The following CDK14 variants were observed in gnomAD, a reference collection of about 807,000 sequenced individuals.
CDK14 encodes the protein cyclin-dependent kinase 14.
In CDK14, 34 loss-of-function variants were observed where a neutral mutation model predicts 60.7. The observed-to-expected ratio is 0.56, with a 90% CI of 0.43 to 0.75. The LOEUF (loss-of-function observed/expected upper bound fraction) is 0.75, where lower values mean the gene tolerates loss of function less well. CDK14 is among the 30% of genes least tolerant of loss of function. The probability of loss-of-function intolerance (pLI) is 0.00; values close to 1 mark genes in which losing one functional copy is unlikely to be tolerated. For missense variants in CDK14, 482 were observed against 564.1 expected, an observed-to-expected ratio of 0.85 and a Z score of 1.47; for synonymous variants, 197 against 203.7, an observed-to-expected ratio of 0.97 and a Z score of 0.28.
At chr7:90,649,941 T>C (rs943329265) in intron 2 of CDK14, among the ~76,000 whole-genome samples, 7 of 152,142 alleles carry the variant, frequency 4.6e-5, no homozygotes, top group Admixed American at 2.6e-4. Context: ...GTCTTTATAG[T>C]AGCATGATTT....
chr7:90,844,683 G>T (rs1989789), intron 5 of CDK14, among the ~76,000 whole-genome samples: 1 of 151,942 alleles, frequency 6.6e-6, no homozygotes, highest in Non-Finnish European at 1.5e-5. Context: ...CCTCTCTGCA[G>T]TCAACAAATG....
chr7:90,932,015 C>CT (rs1428907824), intron 8 of CDK14, among the ~76,000 whole-genome samples: 4 of 152,076 alleles, frequency 2.6e-5, no homozygotes, highest in Admixed American at 2.0e-4. Flanking sequence ...AGCAACAAAA[C>CT]TTTTCACAAA....
chr7:90,744,496 A>C (rs924815792), intron 3 of CDK14, among the ~76,000 whole-genome samples: 1 of 152,196 alleles, frequency 6.6e-6, no homozygotes, highest in Admixed American at 6.5e-5. Flanking sequence ...CGCCATTGTC[A>C]TCATGGCCCG....
chr7:91,018,369 T>C (rs1402545770), intron 10 of CDK14, among the ~76,000 whole-genome samples: 1 of 152,178 alleles, frequency 6.6e-6, no homozygotes, highest in East Asian at 1.9e-4. Context: ...TTATAAACAA[T>C]GGAAACTTAC....
At chr7:91,058,255 T>C (rs1208403405) in intron 11 of CDK14, among the ~76,000 whole-genome samples, 1 of 151,734 alleles carries the variant, frequency 6.6e-6, no homozygotes, top group Non-Finnish European at 1.5e-5. Context: ...CACATTGATT[T>C]TGTATCCTGA....
chr7:91,107,134 C>T (rs1257195336), intron 12 of CDK14, among the ~76,000 whole-genome samples: 1 of 152,180 alleles, frequency 6.6e-6, no homozygotes, highest in African/African-American at 2.4e-5. Flanking sequence ...GTTCATTTCA[C>T]GTCCTGTTAC....
chr7:90,964,507 C>G (rs958969411), intron 9 of CDK14, among the ~76,000 whole-genome samples: 1 of 152,176 alleles, frequency 6.6e-6, no homozygotes, highest in Non-Finnish European at 1.5e-5. Flanking sequence ...TAACCTATAA[C>G]TAACATACCA....
chr7:90,721,712 G>A (rs1802462307), intron 2 of CDK14, among the ~76,000 whole-genome samples: 1 of 152,174 alleles, frequency 6.6e-6, no homozygotes, highest in Non-Finnish European at 1.5e-5. Flanking sequence ...AGTTAGTAGT[G>A]GATAAAAGGG....
At chr7:91,144,175 G>GC (rs1800551688) in intron 14 of CDK14, among the ~76,000 whole-genome samples, 1 of 151,996 alleles carries the variant, frequency 6.6e-6, no homozygotes, top group African/African-American at 2.4e-5. Context: ...CACCCTAAAG[G>GC]CCCCATTTAA....
intron 2 of CDK14, among the ~76,000 whole-genome samples, chr7:90,658,350 G>C (rs1800794338): frequency 6.6e-6 from 1 of 152,186 alleles, no homozygotes; most frequent in African/African-American, 2.4e-5. Flanking sequence ...GCACACTTAT[G>C]AAGTCTTACT....
At chr7:90,968,146 G>A (rs1367479406) in intron 9 of CDK14, among the ~76,000 whole-genome samples, 5 of 152,030 alleles carry the variant, frequency 3.3e-5, no homozygotes, top group Non-Finnish European at 7.4e-5. Context: ...AAATATTTTG[G>A]TGGCTTTCTT....
intron 3 of CDK14, among the ~76,000 whole-genome samples, chr7:90,746,664 G>A (rs1458150057): frequency 6.6e-6 from 1 of 152,144 alleles, no homozygotes; most frequent in African/African-American, 2.4e-5. Context: ...GAAGGTGAAT[G>A]CTTCTCCACC....
chr7:91,010,805 CTT>C (rs1796132273), intron 10 of CDK14, among the ~76,000 whole-genome samples: 1 of 69,568 alleles, frequency 1.4e-5, no homozygotes, highest in Non-Finnish European at 2.6e-5. Context: ...TCCTTCTTTC[CTT>C]CCTTCCTTCC....
intron 14 of CDK14, among the ~76,000 whole-genome samples, chr7:91,122,999 A>G (rs1799829452): frequency 6.6e-6 from 1 of 152,148 alleles, no homozygotes; most frequent in African/African-American, 2.4e-5. Context: ...AAACTTGGAG[A>G]AGGTTTTGGA....
chr7:90,928,657 C>G (rs1793496866), intron 8 of CDK14, among the ~76,000 whole-genome samples: 1 of 152,174 alleles, frequency 6.6e-6, no homozygotes, highest in Non-Finnish European at 1.5e-5. Context: ...CCCAGTTAGG[C>G]TACTCGGGGG....
chr7:90,604,121 A>G, intron 1 of CDK14, 97 bp from the exon 2 acceptor site: 1 of 756,848 alleles, frequency 1.3e-6, no homozygotes, highest in South Asian at 1.8e-5. Context: ...TCTGAAATGA[A>G]AACACCATAC....
intron 6 of CDK14, among the ~76,000 whole-genome samples, chr7:90,875,308 C>G (rs1038999686): frequency 2.6e-5 from 4 of 152,162 alleles, no homozygotes; most frequent in African/African-American, 9.7e-5. Context: ...GTGAATAGTG[C>G]TGCTATGAAC....
At chr7:90,653,985 A>G (rs1274961792) in intron 2 of CDK14, among the ~76,000 whole-genome samples, 1 of 152,220 alleles carries the variant, frequency 6.6e-6, no homozygotes, top group Non-Finnish European at 1.5e-5. Context: ...TGTCCCTACA[A>G]AGGACATGAA....
At chr7:90,958,397 A>G (rs1254805307) in intron 9 of CDK14, among the ~76,000 whole-genome samples, 1 of 152,184 alleles carries the variant, frequency 6.6e-6, no homozygotes, top group Non-Finnish European at 1.5e-5. Flanking sequence ...GTTGTCATAA[A>G]TTTTGTAACA....
Sources: gnomAD v4.1 joint callset for allele counts (sites outside exome capture counted in the v4.1 genomes callset) on GRCh38, gnomAD v4.1.1 for gene constraint, MANE v1.5 for transcripts, NCBI Gene and HGNC (gene_info 2026-07-23, HGNC 2026-07-21) for gene names.